The following C8orf74 variants were observed in gnomAD, a reference collection of about 807,000 sequenced individuals.
C8orf74 encodes chromosome 8 open reading frame 74, also known as uncharacterized protein C8orf74.
C8orf74 carries 29 observed loss-of-function variants against 22.2 expected under a neutral mutation model. The ratio of observed to expected loss-of-function variants is 1.31; its 90% CI spans 0.97 to 1.78. The LOEUF (loss-of-function observed/expected upper bound fraction) is 1.78, where lower values mean the gene tolerates loss of function less well. Among genes scored for constraint, C8orf74 ranks in the 40% most tolerant of loss-of-function variants. The pLI, the probability that C8orf74 is intolerant of heterozygous loss-of-function variation, is 0.00. For missense variants in C8orf74, 515 were observed against 369.9 expected (o/e 1.39, Z -3.22); for synonymous variants, 255 against 163.1 (o/e 1.56, Z -4.30).
In C8orf74 at chr8:10,683,435, G is replaced by C. The variant is rs1366645103; in HGVS notation, c.241+8597G>C. On this transcript the variant is annotated intron_variant, in intron 2 of 3. Transcript: ENST00000304519. ...TCAGCTGGACTTACTGGTCAGCCTT[G>C]GAGCCCCCAGCATCAGAGGGGACAA... is the stretch of plus-strand genomic sequence containing the variant. Among the ~76,000 whole-genome samples the C allele has an allele frequency of 2.0e-5, 3 of 152,192 alleles. No homozygotes were observed. The East Asian group carries it at 5.8e-4, about 29-fold the overall frequency.
chr8:10,697,991 G>A lies in C8orf74; in HGVS notation c.634G>A (p.Val212Ile). 2 of 1,487,946 alleles carry A rather than the reference G, an allele frequency of 1.3e-6. No individual in the cohort carries two copies. Among genetic ancestry groups the A allele is most frequent in the Non-Finnish European group, 1.8e-6 (2 of 1,122,174 alleles). The allele number at this position is 1,487,946 out of a possible 1,614,324, so 92.2% of individuals were successfully genotyped here. A position where few individuals can be genotyped will look rare whatever the true frequency, so the allele number is the denominator to read the frequency against. The change falls in exon 3 of 4, where the codon GTC becomes ATC. Residue 212 changes from valine to isoleucine, a missense_variant. Val to Ile is a conservative substitution (Grantham distance 29). Coordinates refer to ENST00000304519, the MANE Select transcript of C8orf74 (RefSeq NM_001040032.2). ...CGCCGCGCCTGCGCAGCCCGGCCAG[G>A]TCCTGGAGAGACAGGTGAGGCTCTG... is the stretch of plus-strand genomic sequence containing the variant. ...AAAAPAQPGQ[V>I]LERQELESLI...
chr8:10,692,328 C>T (rs1799398571), intron 2 of C8orf74: 1 of 152,812 alleles, frequency 6.5e-6, no homozygotes, highest in African/African-American at 2.4e-5. Context: ...CTCGTTCCTC[C>T]TGCTGCCAGA....
intron 1 of C8orf74, chr8:10,673,490 G>T (rs1798960134): frequency 6.6e-6 from 1 of 152,224 alleles, no homozygotes; most frequent in African/African-American, 2.4e-5. Flanking sequence ...TTCTTGGTCA[G>T]TCACTTACAC....
chr8:10,697,972 G>C lies in C8orf74; in HGVS notation c.615G>C (p.Ala205=), dbSNP rs149597169. The C allele has an allele frequency of 1.4e-3, 2,103 of 1,518,386 alleles. 26 individuals carry two copies. In the African/African-American group the frequency reaches 0.025, roughly 18 times the overall value. The allele number at this position is 1,518,386 out of a possible 1,614,324, so 94.1% of individuals were successfully genotyped here. ...NSLQKAFAAA[A]PAQPGQVLER... is the part of the protein sequence containing the mutation. ...TGCAGAAGGCGTTCGCTGCCGCCGC[G>C]CCTGCGCAGCCCGGCCAGGTCCTGG... The change falls in exon 3 of 4, where the codon GCG becomes GCC. Residue 205 remains alanine, a synonymous_variant. Transcript: ENST00000304519.
intron 2 of C8orf74, among the ~76,000 whole-genome samples, chr8:10,694,216 T>C (rs558504333): frequency 6.6e-6 from 1 of 152,144 alleles, no homozygotes; most frequent in African/African-American, 2.4e-5. Flanking sequence ...TATGACTTAT[T>C]TGTTGTCATA....
rs557446874 is a variant in C8orf74, at chr8:10,674,998, T to C, written c.241+160T>C. Among the ~76,000 whole-genome samples the C allele has an allele frequency of 1.5e-4, 23 of 152,198 alleles. No individual in the cohort carries two copies. The South Asian group carries it at 4.8e-3, about 32-fold the overall frequency. ...CCTCCTCACATGCTTAAAAATAAGG[T>C]CTCTACTCAGCCTTCCCAAACATCC... On this transcript the variant is annotated intron_variant, in intron 2 of 3. Coordinates refer to ENST00000304519, the MANE Select transcript of C8orf74 (RefSeq NM_001040032.2).
intron 2 of C8orf74, among the ~76,000 whole-genome samples, chr8:10,678,288 G>T (rs1799074949): frequency 6.6e-6 from 1 of 152,156 alleles, no homozygotes; most frequent in Non-Finnish European, 1.5e-5. Flanking sequence ...TCTCCACCTG[G>T]GATTGTTAGA....
intron 1 of C8orf74, chr8:10,673,660 T>G (rs1798963368): frequency 6.5e-6 from 1 of 153,888 alleles, no homozygotes; most frequent in African/African-American, 2.4e-5. Context: ...GTGGCCAGCA[T>G]GAGAACTCTC....
intron 3 of C8orf74, among the ~76,000 whole-genome samples, chr8:10,699,156 AGTGGCCCC>A (rs1799598234): frequency 6.6e-6 from 1 of 152,218 alleles, no homozygotes; most frequent in African/African-American, 2.4e-5. Flanking sequence ...GCATGGCCAC[AGTGGCCCC>A]TACTGCCCTG....
chr8:10,685,111 C>A (rs906875730), intron 2 of C8orf74, among the ~76,000 whole-genome samples: 1 of 152,192 alleles, frequency 6.6e-6, no homozygotes, highest in African/African-American at 2.4e-5. Context: ...TTTACTTAAT[C>A]TTTTTGGACT....
chr8:10,685,365 C>CA (rs1363771546), intron 2 of C8orf74, among the ~76,000 whole-genome samples: 4 of 152,148 alleles, frequency 2.6e-5, no homozygotes, highest in Non-Finnish European at 5.9e-5. Context: ...AAGTATTACT[C>CA]ACAATAGCCA....
intron 2 of C8orf74, among the ~76,000 whole-genome samples, chr8:10,682,556 C>T (rs1276468531): frequency 2.6e-5 from 4 of 152,246 alleles, no homozygotes; most frequent in African/African-American, 9.6e-5. Context: ...CTGTGTGTGT[C>T]CACATTTTCT....
chr8:10,690,743 C>A (rs139240307), intron 2 of C8orf74: 2 of 384,336 alleles, frequency 5.2e-6, no homozygotes, highest in East Asian at 7.4e-5. Context: ...GCCACCGGAG[C>A]CCCCTGGTCC....
intron 2 of C8orf74, among the ~76,000 whole-genome samples, chr8:10,680,622 G>C (rs955336535): frequency 1.3e-5 from 2 of 152,228 alleles, no homozygotes; most frequent in Non-Finnish European, 2.9e-5. Flanking sequence ...CAAGGCATGG[G>C]CCAGCAGAAG....
In C8orf74 at chr8:10,681,772, G is replaced by A. The variant is rs1037206647; in HGVS notation, c.241+6934G>A. 1.1e-4 allele frequency among the ~76,000 whole-genome samples: 16 copies of A among 152,310 alleles called. No homozygotes were observed. In the East Asian group the frequency reaches 2.7e-3, roughly 26 times the overall value. On this transcript the variant is annotated intron_variant, in intron 2 of 3. Transcript: ENST00000304519. ...AGAACCTTTGCATATGGCCAGGCCC[G>A]CCAATCCCAGGCCTGGCAGGAGGCG...
intron 2 of C8orf74, among the ~76,000 whole-genome samples, chr8:10,681,813 C>A (rs1799157083): frequency 6.6e-6 from 1 of 152,194 alleles, no homozygotes; most frequent in South Asian, 2.1e-4. Context: ...TGTGACCGGT[C>A]AGTGGAGGCA....
intron 2 of C8orf74, among the ~76,000 whole-genome samples, chr8:10,693,444 G>A (rs1799426231): frequency 6.6e-6 from 1 of 152,146 alleles, no homozygotes. Flanking sequence ...CTGGAACCTG[G>A]AAGAATTCTT....
intron 2 of C8orf74, among the ~76,000 whole-genome samples, chr8:10,696,881 C>T (rs1799528355): frequency 6.7e-6 from 1 of 149,826 alleles, no homozygotes; most frequent in Admixed American, 6.6e-5. Flanking sequence ...CAATACTGGC[C>T]AGGTGTGGTG....
chr8:10,697,639 G>C lies in C8orf74; in HGVS notation c.282G>C (p.Lys94Asn). Reference protein sequence around the residue: ...ITEAVTILGNKLRDYRGHFNT... With the variant: ...ITEAVTILGNNLRDYRGHFNT... ...AGGCTGTGACGATCCTGGGGAACAA[G>C]CTTAGAGATTACCGGGGCCATTTCA... The change falls in exon 3 of 4, where the codon AAG becomes AAC. Residue 94 changes from lysine to asparagine, a missense_variant. Lys to Asn is a moderately conservative substitution (Grantham distance 94). Transcript: ENST00000304519. 1 of 1,613,946 alleles carries C rather than the reference G, an allele frequency of 6.2e-7. No homozygotes were observed. The highest frequency in any genetic ancestry group is 1.1e-5 in the South Asian group (1 of 91,072).
Sources: gnomAD v4.1 joint callset for allele counts (sites outside exome capture counted in the v4.1 genomes callset) on GRCh38, gnomAD v4.1.1 for gene constraint, MANE v1.5 for transcripts, NCBI Gene and HGNC (gene_info 2026-07-23, HGNC 2026-07-21) for gene names.